The following THSD4 variants were observed in gnomAD, a reference collection of about 807,000 sequenced individuals.
THSD4 encodes the protein thrombospondin type-1 domain-containing protein 4.
A neutral mutation model predicts 119.0 loss-of-function variants in THSD4; 69 were observed. The ratio of observed to expected loss-of-function variants is 0.58; its 90% CI spans 0.48 to 0.71. The LOEUF (loss-of-function observed/expected upper bound fraction) is 0.71. Ranked by LOEUF, THSD4 falls within the 30% of genes least tolerant of loss-of-function variation. THSD4 has a pLI of 0.00. For missense variants in THSD4, 1,393 were observed against 1,391.1 expected (o/e 1.00, Z -0.02); for synonymous variants, 524 against 540.4 (o/e 0.97, Z 0.42).
chr15:71,581,957 T>A (rs1043049437), intron 7 of THSD4, among the ~76,000 whole-genome samples: 1 of 152,198 alleles, frequency 6.6e-6, no homozygotes, highest in African/African-American at 2.4e-5. Flanking sequence ...TACTTTCAGC[T>A]TTGTTCTTGC....
chr15:71,193,301 A>G (rs539037641), intron 3 of THSD4, among the ~76,000 whole-genome samples: 27 of 152,334 alleles, frequency 1.8e-4, no homozygotes, highest in Middle Eastern at 6.8e-3. Flanking sequence ...GGGTGGTGGT[A>G]GAGACGTGGG....
chr15:71,384,260 C>G (rs534224503), intron 6 of THSD4, among the ~76,000 whole-genome samples: 2 of 152,072 alleles, frequency 1.3e-5, no homozygotes, highest in African/African-American at 2.4e-5. Context: ...TGCCTGTAGT[C>G]CCAGCTACTC....
At chr15:71,250,784 T>C (rs1473514703) in intron 5 of THSD4, among the ~76,000 whole-genome samples, 1 of 152,216 alleles carries the variant, frequency 6.6e-6, no homozygotes, top group South Asian at 2.1e-4. Context: ...GGATCTCGAA[T>C]ATTTAAAAAT....
intron 7 of THSD4, among the ~76,000 whole-genome samples, chr15:71,518,781 C>CT (rs2048397043): frequency 6.6e-6 from 1 of 152,090 alleles, no homozygotes; most frequent in South Asian, 2.1e-4. Context: ...CAGGACAGAG[C>CT]TTTGTGGTCT....
chr15:71,664,977 T>C (rs1370059596), intron 8 of THSD4, among the ~76,000 whole-genome samples: 2 of 152,200 alleles, frequency 1.3e-5, no homozygotes, highest in African/African-American at 4.8e-5. Flanking sequence ...GTCTTTATGG[T>C]AGGATGATTT....
At chr15:71,377,521 G>A (rs745623512) in intron 6 of THSD4, among the ~76,000 whole-genome samples, 1 of 152,076 alleles carries the variant, frequency 6.6e-6, no homozygotes, top group African/African-American at 2.4e-5. Flanking sequence ...GGGAACCAGG[G>A]GGCTGTAGTG....
intron 7 of THSD4, among the ~76,000 whole-genome samples, chr15:71,617,630 T>C (rs1319860179): frequency 1.3e-5 from 2 of 152,216 alleles, no homozygotes; most frequent in African/African-American, 2.4e-5. Context: ...GGAATTGATA[T>C]GCAGGTGTGG....
intron 6 of THSD4, among the ~76,000 whole-genome samples, chr15:71,333,727 C>T (rs553797480): frequency 1.3e-5 from 2 of 152,286 alleles, no homozygotes; most frequent in African/African-American, 4.8e-5. Context: ...TTACTCAAGG[C>T]TATTTCCCAC....
intron 6 of THSD4, among the ~76,000 whole-genome samples, chr15:71,304,072 G>C (rs1429244937): frequency 1.3e-5 from 2 of 152,200 alleles, no homozygotes; most frequent in Non-Finnish European, 2.9e-5. Context: ...CTTATTCTTG[G>C]CCTTTTTATG....
At chr15:71,345,565 C>T (rs2045644372) in intron 6 of THSD4, among the ~76,000 whole-genome samples, 1 of 152,168 alleles carries the variant, frequency 6.6e-6, no homozygotes, top group South Asian at 2.1e-4. Context: ...TCAACAATGG[C>T]AGATCTCTGG....
chr15:71,547,083 T>C, intron 7 of THSD4: 1 of 527,362 alleles, frequency 1.9e-6, no homozygotes, highest in Non-Finnish European at 2.6e-6. Context: ...TTTTCATGAA[T>C]GAGACCAGAT....
At chr15:71,671,664 G>A (rs1369299764) in intron 8 of THSD4, among the ~76,000 whole-genome samples, 1 of 152,136 alleles carries the variant, frequency 6.6e-6, no homozygotes, top group African/African-American at 2.4e-5. Context: ...TTTTGTATAA[G>A]GTGTAAGGAA....
At chr15:71,682,914 C>T (rs1218994504) in intron 8 of THSD4, among the ~76,000 whole-genome samples, 1 of 12,138 alleles carries the variant, frequency 8.2e-5, no homozygotes, top group Admixed American at 1.0e-3. Flanking sequence ...CTTTCTTCTT[C>T]TTCTTCTTTT....
chr15:71,704,901 A>G (rs535330370), intron 8 of THSD4, among the ~76,000 whole-genome samples: 1 of 152,228 alleles, frequency 6.6e-6, no homozygotes, highest in African/African-American at 2.4e-5. Context: ...TAGTGATACC[A>G]TCTTCACGGA....
chr15:71,456,446 A>G (rs1456899675), intron 7 of THSD4, among the ~76,000 whole-genome samples: 2 of 152,242 alleles, frequency 1.3e-5, no homozygotes, highest in South Asian at 2.1e-4. Context: ...GTGATGATGA[A>G]GGCACTGTGC....
At chr15:71,408,169 A>C in intron 6 of THSD4, among the ~76,000 whole-genome samples, 1 of 52,768 alleles carries the variant, frequency 1.9e-5, no homozygotes, top group South Asian at 6.2e-4. Flanking sequence ...CTTAAAGGCA[A>C]AAAAAAAAAG....
At chr15:71,534,973 G>GA (rs1020148373) in intron 7 of THSD4, among the ~76,000 whole-genome samples, 101 of 152,178 alleles carry the variant, frequency 6.6e-4, no homozygotes, top group African/African-American at 2.4e-3. Flanking sequence ...AAAACAAACA[G>GA]AAAAAAACAG....
intron 6 of THSD4, among the ~76,000 whole-genome samples, chr15:71,297,320 TTTTGTTTGTTTG>T (rs1555461740): frequency 2.7e-5 from 4 of 147,982 alleles, no homozygotes; most frequent in African/African-American, 7.5e-5. Context: ...CTCTTCTTTT[TTTTGTTTGTTTG>T]TTTGTTTGTT....
rs143449361 is a variant in THSD4 at position 71,713,157 on chromosome 15, C to T, written c.1358-15392C>T. Among the ~76,000 whole-genome samples the T allele has an allele frequency of 3.7e-3, 561 of 152,268 alleles. 4 individuals are homozygous for T. Among genetic ancestry groups the T allele is most frequent in the African/African-American group, 0.012 (514 of 41,550 alleles). ...AACAGTGACTGGAATCGTCTTAATC[C>T]AATATGCCATCATTGTAATCTTAGA... On this transcript the variant is annotated intron_variant, in intron 8 of 17. Coordinates refer to ENST00000261862, the MANE Select transcript of THSD4 (RefSeq NM_024817.3).
Sources: gnomAD v4.1 joint callset for allele counts (sites outside exome capture counted in the v4.1 genomes callset) on GRCh38, gnomAD v4.1.1 for gene constraint, MANE v1.5 for transcripts, NCBI Gene and HGNC (gene_info 2026-07-23, HGNC 2026-07-21) for gene names.